RPH3A: variants seen among roughly 807,000 people sequenced by gnomAD.
RPH3A encodes rabphilin-3A.
A neutral mutation model predicts 102.2 loss-of-function variants in RPH3A; 48 were observed. That is an observed-to-expected ratio of 0.47 (90% CI 0.37 to 0.60). The LOEUF (loss-of-function observed/expected upper bound fraction) is 0.60, where lower values mean the gene tolerates loss of function less well. Ranked by LOEUF, RPH3A falls within the 20% of genes least tolerant of loss-of-function variation. The pLI is 0.00. For synonymous variants in RPH3A, 310 were observed against 324.3 expected, an observed-to-expected ratio of 0.96 and a Z score of 0.47; for missense variants, 781 against 910.1, an observed-to-expected ratio of 0.86 and a Z score of 1.83.
chr12:112,678,578 A>G (rs1378123601), intron 1 of RPH3A, among the ~76,000 whole-genome samples: 1 of 152,128 alleles, frequency 6.6e-6, no homozygotes, highest in Non-Finnish European at 1.5e-5. Flanking sequence ...ACATTTATTT[A>G]TTCCTGCTTG....
chr12:112,716,965 A>C (rs1440273471), intron 1 of RPH3A, among the ~76,000 whole-genome samples: 1 of 152,168 alleles, frequency 6.6e-6, no homozygotes, highest in African/African-American at 2.4e-5. Flanking sequence ...GTAAGAGTTG[A>C]TTAAATGAAT....
intron 3 of RPH3A, 102 bp downstream of exon 3, chr12:112,828,491 A>AGGG: frequency 1.2e-6 from 1 of 837,656 alleles, no homozygotes. Flanking sequence ...TCCCTGAGGA[A>AGGG]GGGGGAGAGG....
At chr12:112,810,057 G>A (rs939229549) in intron 2 of RPH3A, among the ~76,000 whole-genome samples, 6 of 152,188 alleles carry the variant, frequency 3.9e-5, no homozygotes, top group Non-Finnish European at 5.9e-5. Flanking sequence ...AAACAGGCCT[G>A]CTGGGGACAT....
chr12:112,862,243 C>T lies in RPH3A; in HGVS notation c.231-3171C>T, dbSNP rs183387141. Among the ~76,000 whole-genome samples, 14 of 149,164 alleles carry T rather than the reference C, an allele frequency of 9.4e-5. No individual in the cohort carries two copies. The East Asian group carries it at 1.0e-3, about 11-fold the overall frequency. On this transcript the variant is annotated intron_variant, in intron 5 of 21. Transcript: ENST00000389385. The stretch of plus-strand genomic sequence containing the variant: ...CCACAGAGTGAGACTCAGTCCCCCC[C>T]CCAAAAAAAAAGTTAGCCGGGCATG...
chr12:112,736,928 G>A (rs952787363), intron 1 of RPH3A, among the ~76,000 whole-genome samples: 1 of 152,140 alleles, frequency 6.6e-6, no homozygotes, highest in Non-Finnish European at 1.5e-5. Flanking sequence ...GCCAAGATGG[G>A]AGGATCACTT....
chr12:112,627,251 TTTATA>T (rs1272127980), intron 1 of RPH3A, among the ~76,000 whole-genome samples: 13 of 151,500 alleles, frequency 8.6e-5, no homozygotes, highest in South Asian at 2.1e-4. Context: ...GCACTATACA[TTTATA>T]TTATATTATG....
intron 1 of RPH3A, among the ~76,000 whole-genome samples, chr12:112,776,550 T>TGA (rs1200773661): frequency 6.6e-6 from 1 of 150,688 alleles, no homozygotes. Context: ...GAGGCAGGGA[T>TGA]GAGAGAGAGA....
chr12:112,852,569 T>G (rs1171561626), intron 5 of RPH3A, among the ~76,000 whole-genome samples: 2 of 152,204 alleles, frequency 1.3e-5, no homozygotes, highest in Non-Finnish European at 2.9e-5. Context: ...ATAGCTCTTC[T>G]TAGTCTAAAT....
chr12:112,697,157 T>C lies in RPH3A; in HGVS notation c.-139-94986T>C, dbSNP rs541597066. ...TGGCAATAAGGCAAAGAAAAAGGCA[T>C]ACAGTTCAGAAAGGAAGAAATAAAA... On this transcript the variant is annotated intron_variant, in intron 1 of 21. Transcript: ENST00000543106. Among the ~76,000 whole-genome samples, 3 of 152,210 alleles carry C rather than the reference T, an allele frequency of 2.0e-5. 1 individual carries two copies. In the South Asian group the frequency reaches 6.2e-4, roughly 32 times the overall value.
chr12:112,673,844 C>T (rs544773945), intron 1 of RPH3A, among the ~76,000 whole-genome samples: 1 of 152,160 alleles, frequency 6.6e-6, no homozygotes, highest in Non-Finnish European at 1.5e-5. Context: ...CCCCCACTAC[C>T]CTTCCCAGCC....
chr12:112,829,937 T>C (rs988423332), intron 3 of RPH3A, among the ~76,000 whole-genome samples: 2 of 152,262 alleles, frequency 1.3e-5, no homozygotes, highest in Non-Finnish European at 2.9e-5. Flanking sequence ...TAAAGTCATA[T>C]GAGCACTTTC....
intron 1 of RPH3A, among the ~76,000 whole-genome samples, chr12:112,633,370 A>C (rs933543305): frequency 2.0e-5 from 3 of 152,194 alleles, no homozygotes; most frequent in African/African-American, 7.2e-5. Flanking sequence ...TGGCAGTATC[A>C]AGAGGTGGGG....
intron 1 of RPH3A, among the ~76,000 whole-genome samples, chr12:112,742,615 C>A (rs1188419252): frequency 6.6e-6 from 1 of 152,088 alleles, no homozygotes; most frequent in African/African-American, 2.4e-5. Context: ...GGGAAACCAA[C>A]AAGAAATAGT....
At chr12:112,620,182 G>T (rs367626372) in intron 1 of RPH3A, among the ~76,000 whole-genome samples, 2 of 152,308 alleles carry the variant, frequency 1.3e-5, no homozygotes, top group East Asian at 3.9e-4. Flanking sequence ...GTGGTTCTGA[G>T]ATTCACTCTG....
intron 1 of RPH3A, among the ~76,000 whole-genome samples, chr12:112,749,323 T>C (rs1338358983): frequency 6.6e-6 from 1 of 152,138 alleles, no homozygotes; most frequent in Non-Finnish European, 1.5e-5. Context: ...TGGGATGAGC[T>C]CTGAACCAGG....
At chr12:112,694,623 GAC>G (rs1329000637) in intron 1 of RPH3A, among the ~76,000 whole-genome samples, 1 of 145,642 alleles carries the variant, frequency 6.9e-6, no homozygotes, top group African/African-American at 2.6e-5. Context: ...GAGAGACAAA[GAC>G]ACACGCACGC....
intron 1 of RPH3A, among the ~76,000 whole-genome samples, chr12:112,718,863 C>A (rs1261264680): frequency 1.3e-5 from 2 of 152,228 alleles, no homozygotes; most frequent in African/African-American, 4.8e-5. Context: ...CACAAGCCAG[C>A]TGATATTCAG....
chr12:112,770,740 C>G (rs994870192), intron 1 of RPH3A, among the ~76,000 whole-genome samples: 12 of 152,080 alleles, frequency 7.9e-5, no homozygotes, highest in African/African-American at 2.9e-4. Flanking sequence ...AGTCTTTGTT[C>G]CATCTTCATT....
At chr12:112,763,044 G>T (rs1046627058) in intron 1 of RPH3A, among the ~76,000 whole-genome samples, 1 of 152,216 alleles carries the variant, frequency 6.6e-6, no homozygotes, top group African/African-American at 2.4e-5. Context: ...CACACAGATG[G>T]CAAACGCTTT....
Sources: gnomAD v4.1 joint callset for allele counts (sites outside exome capture counted in the v4.1 genomes callset) on GRCh38, gnomAD v4.1.1 for gene constraint, MANE v1.5 for transcripts, NCBI Gene and HGNC (gene_info 2026-07-23, HGNC 2026-07-21) for gene names.